Variants in SFSWAP observed in about 807,000 individuals in gnomAD.
The protein encoded by SFSWAP is splicing factor, suppressor of white-apricot homolog.
In SFSWAP, 17 loss-of-function variants were observed where a neutral mutation model predicts 100.7. That is an observed-to-expected ratio of 0.17 (90% CI 0.12 to 0.25). The LOEUF is 0.25. Ranked by LOEUF, SFSWAP falls within the 10% of genes least tolerant of loss-of-function variation. The probability of loss-of-function intolerance (pLI) is 1.00; values close to 1 mark genes in which losing one functional copy is unlikely to be tolerated. For missense variants in SFSWAP, 1,005 were observed against 1,262.6 expected (o/e 0.80, Z 3.09); for synonymous variants, 504 against 510.1 (o/e 0.99, Z 0.16).
At chr12:131,720,806 C>A (rs1445606077) in intron 4 of SFSWAP, among the ~76,000 whole-genome samples, 3 of 152,232 alleles carry the variant, frequency 2.0e-5, no homozygotes, top group African/African-American at 7.2e-5. Context: ...CATATCCTCT[C>A]CCTCTCTTTT....
chr12:131,725,324 C>A lies in SFSWAP; in HGVS notation c.607-81C>A. 3.4e-6 allele frequency: 4 copies of A among 1,175,046 alleles called. No homozygotes were observed. Among genetic ancestry groups the A allele is most frequent in the South Asian group, 1.2e-5 (1 of 80,192 alleles). The allele number at this position is 1,175,046 out of a possible 1,614,324, so 72.8% of individuals were successfully genotyped here. A position where few individuals can be genotyped will look rare whatever the true frequency, so the allele number is the denominator to read the frequency against. Reference sequence around the variant, plus strand: ...TTAAAATTGACAGTAAAACCAGAGTCATTTCTATGTTTTAATGAAATCACG... The same window carrying A: ...TTAAAATTGACAGTAAAACCAGAGTAATTTCTATGTTTTAATGAAATCACG... On this transcript the variant is annotated intron_variant, in intron 4 of 17. Coordinates refer to ENST00000261674, the MANE Select transcript of SFSWAP (RefSeq NM_004592.4). This position sits in a 1 kb window ranked among gnomAD's most constrained non-coding sequence, Gnocchi z 4.3.
At chr12:131,798,202 G>A (rs1410749810) in intron 16 of SFSWAP, among the ~76,000 whole-genome samples, 2 of 152,140 alleles carry the variant, frequency 1.3e-5, no homozygotes, top group African/African-American at 2.4e-5. Flanking sequence ...TACTCAGGAG[G>A]CTAAGGTGAG....
At position 131,760,690 on chromosome 12, in the gene SFSWAP, G is replaced by A. The variant is rs369356279; in HGVS notation, c.1721-3766G>A. 5.3e-5 allele frequency among the ~76,000 whole-genome samples: 8 copies of A among 152,268 alleles called. No homozygotes were observed. In the East Asian group the frequency reaches 9.6e-4, roughly 18 times the overall value. On this transcript the variant is annotated intron_variant, in intron 11 of 17. Transcript: ENST00000261674. ...AAAAAAAAACTTGGAAACAGTTATG[G>A]GAAATTGTGAATTGACATGTCCATA...
chr12:131,761,330 T>G (rs1022397141), intron 11 of SFSWAP, among the ~76,000 whole-genome samples: 1 of 152,238 alleles, frequency 6.6e-6, no homozygotes, highest in Non-Finnish European at 1.5e-5. Flanking sequence ...GCGGGTTCAC[T>G]CAGGGGTGCC....
intron 7 of SFSWAP, among the ~76,000 whole-genome samples, chr12:131,750,564 G>T (rs1881532207): frequency 6.6e-6 from 1 of 152,240 alleles, no homozygotes; most frequent in Non-Finnish European, 1.5e-5. Context: ...TGTGCCCAGA[G>T]CATTGTCAGC....
intron 14 of SFSWAP, among the ~76,000 whole-genome samples, chr12:131,779,395 A>G (rs1416873495): frequency 6.6e-6 from 1 of 152,082 alleles, no homozygotes; most frequent in Non-Finnish European, 1.5e-5. Flanking sequence ...CCAGTTTTTC[A>G]GAAAGCAGGT....
At chr12:131,791,394 A>C (rs188213132) in intron 15 of SFSWAP, among the ~76,000 whole-genome samples, 1 of 151,964 alleles carries the variant, frequency 6.6e-6, no homozygotes, top group East Asian at 1.9e-4. Flanking sequence ...ATCTCAAAGA[A>C]AAATAAACGA....
intron 13 of SFSWAP, among the ~76,000 whole-genome samples, chr12:131,776,974 G>A (rs112671689): frequency 6.6e-6 from 1 of 152,186 alleles, no homozygotes; most frequent in African/African-American, 2.4e-5. Flanking sequence ...TCTTCTGTAT[G>A]TATGTAACAC....
rs777610140 is a variant in SFSWAP at position 131,739,536 on chromosome 12, C to CT, written c.1081+11136dup. Among the ~76,000 whole-genome samples the CT allele has an allele frequency of 7.3e-3, 444 of 60,880 alleles. 123 individuals carry two copies. The highest frequency in any genetic ancestry group is 0.011 in the South Asian group (14 of 1,332). 39.9% of individuals were successfully genotyped at this position (60,880 alleles called of 152,430 possible). A position where few individuals can be genotyped will look rare whatever the true frequency, so the allele number is the denominator to read the frequency against. ...TTTGCATTCTATTATTCCCCAGTTG[C>CT]TTTTTTTTTTTTTTTTTTTTTTTTT... On this transcript the variant is annotated intron_variant, in intron 7 of 17. Transcript: ENST00000261674.
intron 13 of SFSWAP, among the ~76,000 whole-genome samples, chr12:131,766,807 G>GT (rs1223769950): frequency 1.3e-5 from 2 of 152,274 alleles, no homozygotes; most frequent in Non-Finnish European, 2.9e-5. Flanking sequence ...CCTCAGTGGT[G>GT]TGAGCAGGAA....
intron 13 of SFSWAP, among the ~76,000 whole-genome samples, chr12:131,771,648 C>T (rs1414477452): frequency 8.2e-6 from 1 of 121,592 alleles, no homozygotes; most frequent in African/African-American, 3.0e-5. Flanking sequence ...TTGCTAATGT[C>T]TCTTTTTTTT....
rs530550915 is a variant in SFSWAP at position 131,776,606 on chromosome 12, G to A, written c.2143-1459G>A. Among the ~76,000 whole-genome samples, 5 of 152,300 alleles carry A rather than the reference G, an allele frequency of 3.3e-5. 1 individual carries two copies. The South Asian group carries it at 1.0e-3, about 32-fold the overall frequency. On this transcript the variant is annotated intron_variant, in intron 13 of 17. Coordinates refer to ENST00000261674, the MANE Select transcript of SFSWAP (RefSeq NM_004592.4). ...GACCTAAGGAGAGGAAAGAAGGGAG[G>A]GAAGCCCCCTTACCACTTTGCCTTT...
At chr12:131,761,371 G>A (rs910606891) in intron 11 of SFSWAP, among the ~76,000 whole-genome samples, 28 of 152,302 alleles carry the variant, frequency 1.8e-4, no homozygotes, top group African/African-American at 5.1e-4. Context: ...ATCTGTCCCC[G>A]CATGGTCCCG....
intron 14 of SFSWAP, chr12:131,783,793 T>C (rs1395072142): frequency 2.6e-4 from 3 of 11,480 alleles, no homozygotes; most frequent in African/African-American, 6.3e-4. Context: ...AAAAACATTT[T>C]ATATATATAT....
chr12:131,762,140 G>A (rs553950062), intron 11 of SFSWAP, among the ~76,000 whole-genome samples: 8 of 152,312 alleles, frequency 5.3e-5, no homozygotes, highest in Admixed American at 3.3e-4. Flanking sequence ...GGCTGAGGCA[G>A]GAGAATCGCT....
chr12:131,788,329 C>G (rs948423296), intron 15 of SFSWAP, among the ~76,000 whole-genome samples: 4 of 152,210 alleles, frequency 2.6e-5, no homozygotes, highest in Admixed American at 6.5e-5. Flanking sequence ...CAGTGCAGTG[C>G]TGAGCCCTGA....
Position 131,799,202 on chromosome 12 carries a change from C to A in SFSWAP, c.2790+93C>A, listed in dbSNP as rs1593204337. 3.5e-6 allele frequency: 4 copies of A among 1,145,468 alleles called. No homozygotes were observed. In the East Asian group the frequency reaches 9.6e-5, roughly 28 times the overall value. The allele number at this position is 1,145,468 out of a possible 1,614,324, so 71.0% of individuals were successfully genotyped here. A position where few individuals can be genotyped will look rare whatever the true frequency, so the allele number is the denominator to read the frequency against. On this transcript the variant is annotated intron_variant, in intron 17 of 17. Transcript: ENST00000261674. The stretch of plus-strand genomic sequence containing the variant: ...AATTTTCATTCCCTGTCCCTCCTGT[C>A]CCTGTCATGGGACAGGGATCTCGGG...
At chr12:131,759,348 T>C (rs1882451580) in intron 11 of SFSWAP, among the ~76,000 whole-genome samples, 1 of 152,150 alleles carries the variant, frequency 6.6e-6, no homozygotes, top group Non-Finnish European at 1.5e-5. Flanking sequence ...AAAGGTCAAG[T>C]TAATTCACCC....
intron 15 of SFSWAP, among the ~76,000 whole-genome samples, chr12:131,788,772 T>C (rs893832350): frequency 1.3e-5 from 2 of 152,152 alleles, no homozygotes; most frequent in African/African-American, 4.8e-5. Flanking sequence ...TGAGCTCCCA[T>C]GCCTGGTACA....
Sources: allele counts gnomAD v4.1 joint callset (sites outside exome capture counted in the v4.1 genomes callset), GRCh38; gene constraint gnomAD v4.1.1; non-coding constraint Gnocchi (gnomAD v3.1); transcripts MANE v1.5; gene names NCBI Gene and HGNC (gene_info 2026-07-23, HGNC 2026-07-21).